The following MMP26 variants were observed in gnomAD, a reference collection of about 807,000 sequenced individuals.
MMP26 encodes the protein matrix metallopeptidase 26.
MMP26 carries 33 observed loss-of-function variants against 31.0 expected under a neutral mutation model. The observed-to-expected ratio is 1.06, with a 90% confidence interval of 0.81 to 1.42. The LOEUF (loss-of-function observed/expected upper bound fraction) is 1.42. MMP26 is among the 40% of genes most tolerant of loss of function. The pLI, the probability that MMP26 is intolerant of heterozygous loss-of-function variation, is 0.00. For missense variants in MMP26, 347 were observed against 316.1 expected (o/e 1.10, Z -0.74); for synonymous variants, 122 against 114.9 (o/e 1.06, Z -0.40).
intron 2 of MMP26, among the ~76,000 whole-genome samples, chr11:4,820,184 G>A (rs1454213006): frequency 6.6e-6 from 1 of 152,178 alleles, no homozygotes; most frequent in South Asian, 2.1e-4. Flanking sequence ...AGGCATTGAG[G>A]TTAGATATGC....
chr11:4,947,340 T>A (rs2133608156), intron 2 of MMP26, among the ~76,000 whole-genome samples: 1 of 125,428 alleles, frequency 8.0e-6, no homozygotes, highest in South Asian at 2.4e-4. Context: ...GTTATTTCTA[T>A]AGAGAATCCA....
chr11:4,802,238 T>G (rs1190704994), intron 2 of MMP26, among the ~76,000 whole-genome samples: 4 of 152,258 alleles, frequency 2.6e-5, no homozygotes, highest in Admixed American at 6.5e-5. Context: ...GTGGAAATCA[T>G]GCAAATTAGA....
chr11:4,763,501 A>C (rs2133412738), intron 1 of MMP26, among the ~76,000 whole-genome samples: 1 of 152,358 alleles, frequency 6.6e-6, no homozygotes, highest in South Asian at 2.1e-4. Context: ...CTAATAAAAG[A>C]AACTAATTAA....
Position 4,805,851 on chromosome 11 carries a change from C to T in MMP26, c.-145+38510C>T, listed in dbSNP as rs1444247829. Among the ~76,000 whole-genome samples the T allele has an allele frequency of 2.6e-5, 4 of 152,110 alleles. No homozygotes were observed. In the East Asian group the frequency reaches 7.7e-4, roughly 29 times the overall value. Reference sequence around the variant, plus strand: ...CACTCTTTGAGTTTTTTGGTGATCACTATCAATCTCAGAATCGATGGCACA... The same window carrying T: ...CACTCTTTGAGTTTTTTGGTGATCATTATCAATCTCAGAATCGATGGCACA... On this transcript the variant is annotated intron_variant, in intron 2 of 7. Coordinates refer to ENST00000380390, the MANE Select transcript of MMP26 (RefSeq NM_021801.5).
chr11:4,892,681 T>G (rs1317178372), intron 2 of MMP26, among the ~76,000 whole-genome samples: 1 of 152,184 alleles, frequency 6.6e-6, no homozygotes, highest in Admixed American at 6.6e-5. Flanking sequence ...TGAAGCTTCT[T>G]TCCTTCTTTC....
At chr11:4,756,946 C>T (rs965136566) in intron 1 of MMP26, 1 of 152,074 alleles carries the variant, frequency 6.6e-6, no homozygotes, top group Non-Finnish European at 1.5e-5. Context: ...TGGCTGTTTT[C>T]CCTTAATGGA....
At chr11:4,916,029 C>T (rs1851084278) in intron 2 of MMP26, among the ~76,000 whole-genome samples, 1 of 152,068 alleles carries the variant, frequency 6.6e-6, no homozygotes, top group African/African-American at 2.4e-5. Flanking sequence ...CAGTGGGATG[C>T]ACCCAGGGGC....
rs982344470 is a variant in MMP26, at chr11:4,722,777, T to A, written c.-217+17732T>A. The A allele has an allele frequency of 1.1e-5, 11 of 999,226 alleles. No homozygotes were observed. In the African/African-American group the frequency reaches 1.4e-4, roughly 13 times the overall value. The allele number at this position is 999,226 out of a possible 1,614,324, so 61.9% of individuals were successfully genotyped here. A position where few individuals can be genotyped will look rare whatever the true frequency, so the allele number is the denominator to read the frequency against. On this transcript the variant is annotated intron_variant, in intron 1 of 7. Coordinates refer to ENST00000380390, the MANE Select transcript of MMP26 (RefSeq NM_021801.5). Reference sequence around the variant, plus strand: ...CAGAGGACTCGGACACCAGCTTCCCTTCGTGGGTCTCGATATTCTTCACAA... The same window carrying A: ...CAGAGGACTCGGACACCAGCTTCCCATCGTGGGTCTCGATATTCTTCACAA...
chr11:4,961,000 A>G (rs1183208413), intron 2 of MMP26, among the ~76,000 whole-genome samples: 1 of 152,206 alleles, frequency 6.6e-6, no homozygotes, highest in African/African-American at 2.4e-5. Context: ...GTATGCACTC[A>G]GCTTTATAAC....
At chr11:4,833,597 A>G (rs1470848627) in intron 2 of MMP26, among the ~76,000 whole-genome samples, 1 of 152,236 alleles carries the variant, frequency 6.6e-6, no homozygotes, top group Non-Finnish European at 1.5e-5. Context: ...AAAGTTGTTA[A>G]AATTGCTGCA....
chr11:4,803,997 A>G (rs749131074), intron 2 of MMP26: 8 of 1,613,888 alleles, frequency 5.0e-6, no homozygotes, highest in Non-Finnish European at 6.8e-6. Context: ...GGAAGCAGAT[A>G]GCCACGTAGC....
chr11:4,708,063 A>G (rs1321845181), intron 1 of MMP26, among the ~76,000 whole-genome samples: 1 of 152,180 alleles, frequency 6.6e-6, no homozygotes, highest in African/African-American at 2.4e-5. Context: ...AACCATAGAC[A>G]TTAGTTTCAC....
chr11:4,841,145 AC>A (rs769472787), intron 2 of MMP26, among the ~76,000 whole-genome samples: 1 of 152,188 alleles, frequency 6.6e-6, no homozygotes, highest in Non-Finnish European at 1.5e-5. Flanking sequence ...AGAATAAAAA[AC>A]AACAAAGCGT....
chr11:4,797,478 G>A (rs1414152796), intron 2 of MMP26, among the ~76,000 whole-genome samples: 2 of 152,136 alleles, frequency 1.3e-5, no homozygotes, highest in African/African-American at 2.4e-5. Flanking sequence ...CAGAGACTGT[G>A]CACTATGATT....
chr11:4,841,743 A>T (rs1217428977), intron 2 of MMP26, among the ~76,000 whole-genome samples: 1 of 152,066 alleles, frequency 6.6e-6, no homozygotes, highest in Non-Finnish European at 1.5e-5. Flanking sequence ...GACCAGTCTG[A>T]CCAACATGGA....
chr11:4,907,303 C>G (rs1850910493), intron 2 of MMP26: 10 of 1,134,276 alleles, frequency 8.8e-6, no homozygotes, highest in Non-Finnish European at 1.3e-5. Flanking sequence ...GAGTTTTAAC[C>G]AAAAGCATGA....
chr11:4,721,016 A>G (rs11033521), intron 1 of MMP26, among the ~76,000 whole-genome samples: 19,044 of 152,274 alleles, frequency 0.13, 1,597 homozygotes, highest in Middle Eastern at 0.21. Flanking sequence ...AGGGACAACA[A>G]GCAAACATGA....
intron 2 of MMP26, chr11:4,848,152 A>T: frequency 7.1e-7 from 1 of 1,404,100 alleles, no homozygotes; most frequent in South Asian, 1.4e-5. Context: ...TACGTGAATG[A>T]TCATTTCATG....
At position 4,981,081 on chromosome 11, in the gene MMP26, A is replaced by G. The variant is rs1846806655; in HGVS notation, c.-144-6987A>G. On this transcript the variant is annotated intron_variant, in intron 2 of 7. Transcript: ENST00000380390. ...TTACTGGAAAAACTTATAAAAGAAG[A>G]AATTTAAACAACTCAAAATTGCTTC... Among the ~76,000 whole-genome samples, 3 of 152,158 alleles carry G rather than the reference A, an allele frequency of 2.0e-5. No homozygotes were observed. The South Asian group carries it at 6.2e-4, about 31-fold the overall frequency.
Sources: allele counts gnomAD v4.1 joint callset (sites outside exome capture counted in the v4.1 genomes callset), GRCh38; gene constraint gnomAD v4.1.1; transcripts MANE v1.5; gene names NCBI Gene and HGNC (gene_info 2026-07-23, HGNC 2026-07-21).